SBF2: variants seen among roughly 807,000 people sequenced by gnomAD.
SBF2 encodes myotubularin-related protein 13.
Under a neutral mutation model 225.2 loss-of-function variants are expected in SBF2, and 112 were observed. The ratio of observed to expected loss-of-function variants is 0.50; its 90% CI spans 0.43 to 0.58. SBF2 has a LOEUF of 0.58. Among genes scored for constraint, SBF2 ranks in the 20% least tolerant of loss-of-function variants. SBF2 has a pLI of 0.00. For synonymous variants in SBF2, 763 were observed against 773.3 expected, an observed-to-expected ratio of 0.99 and a Z score of 0.22; for missense variants, 1,996 against 2,206.2, an observed-to-expected ratio of 0.90 and a Z score of 1.91.
intron 17 of SBF2, among the ~76,000 whole-genome samples, chr11:9,867,702 T>C (rs1237808539): frequency 1.3e-5 from 2 of 152,118 alleles, no homozygotes; most frequent in Non-Finnish European, 2.9e-5. Context: ...AAGAATGAAA[T>C]CCTGTCATTT....
intron 16 of SBF2, among the ~76,000 whole-genome samples, chr11:9,938,042 C>T (rs544561034): frequency 6.3e-5 from 8 of 126,850 alleles, no homozygotes; most frequent in African/African-American, 1.3e-4. Context: ...CTTGTAATCC[C>T]AGCACTTTGG....
Position 10,271,928 on chromosome 11 carries a change from A to C in SBF2, c.55+22087T>G. ...GAATATCTGTGATTTTGGCTATAGG[A>C]CCAGGCCACAGGAAAGGGCTGAAAT... On this transcript the variant is annotated intron_variant, in intron 1 of 39. Coordinates refer to ENST00000256190, the MANE Select transcript of SBF2 (RefSeq NM_030962.4). 6 of 503,846 alleles carry C rather than the reference A, an allele frequency of 1.2e-5. 1 individual carries two copies. The South Asian group carries it at 1.6e-4, about 13-fold the overall frequency. The allele number at this position is 503,846 out of a possible 1,614,324, so 31.2% of individuals were successfully genotyped here.
chr11:10,101,928 G>C (rs1441373258), intron 2 of SBF2, among the ~76,000 whole-genome samples: 1 of 151,774 alleles, frequency 6.6e-6, no homozygotes. Flanking sequence ...ACTTTGCTAG[G>C]GGTCCCTGAA....
chr11:10,094,527 G>GGTTTTTTTTTT (rs1565222159), intron 2 of SBF2, among the ~76,000 whole-genome samples: 3 of 71,646 alleles, frequency 4.2e-5, no homozygotes, highest in Admixed American at 1.8e-4. Flanking sequence ...AATACACACA[G>GGTTTTTTTTTT]ATTTTTTTTT....
chr11:10,280,670 A>G (rs1228332143), intron 1 of SBF2, among the ~76,000 whole-genome samples: 1 of 152,210 alleles, frequency 6.6e-6, no homozygotes. Context: ...TTATCCTACT[A>G]AAATTCTGCA....
At chr11:10,274,308 A>G (rs1273004322) in intron 1 of SBF2, among the ~76,000 whole-genome samples, 1 of 152,216 alleles carries the variant, frequency 6.6e-6, no homozygotes, top group Non-Finnish European at 1.5e-5. Flanking sequence ...TCAGGTACCT[A>G]GAACTAAATT....
intron 2 of SBF2, among the ~76,000 whole-genome samples, chr11:10,136,764 G>A (rs182709890): frequency 6.6e-6 from 1 of 152,332 alleles, no homozygotes; most frequent in East Asian, 1.9e-4. Context: ...GAACTGCTTG[G>A]TGTGGAACAC....
At chr11:9,795,016 A>T (rs777459674) in intron 33 of SBF2, among the ~76,000 whole-genome samples, 1 of 152,202 alleles carries the variant, frequency 6.6e-6, no homozygotes, top group Non-Finnish European at 1.5e-5. Context: ...TCTTTGTGGT[A>T]CTGAGTGCAT....
chr11:9,938,058 A>G (rs4909916), intron 16 of SBF2, among the ~76,000 whole-genome samples: 34,706 of 151,988 alleles, frequency 0.23, 4,672 homozygotes, highest in Non-Finnish European at 0.31. Context: ...TTTGGGGGCC[A>G]AGGCGGGCGG....
intron 2 of SBF2, among the ~76,000 whole-genome samples, chr11:10,050,529 T>A (rs921448791): frequency 1.3e-5 from 2 of 152,154 alleles, no homozygotes; most frequent in South Asian, 4.1e-4. Context: ...TAATAAAATA[T>A]AACAATTATG....
chr11:9,994,928 T>C (rs553454967), intron 9 of SBF2, among the ~76,000 whole-genome samples: 12 of 152,066 alleles, frequency 7.9e-5, no homozygotes, highest in African/African-American at 1.9e-4. Flanking sequence ...TCCCAGCTAC[T>C]TGGGAGTCTG....
At chr11:9,821,430 G>A (rs182650892) in intron 28 of SBF2, among the ~76,000 whole-genome samples, 24 of 152,218 alleles carry the variant, frequency 1.6e-4, no homozygotes, top group Admixed American at 3.3e-4. Context: ...TAGAAAATCC[G>A]CAATGATAAA....
intron 3 of SBF2, among the ~76,000 whole-genome samples, chr11:10,041,026 T>C (rs1949633395): frequency 1.3e-5 from 2 of 152,038 alleles, no homozygotes; most frequent in African/African-American, 4.8e-5. Flanking sequence ...TCAGTTTGTC[T>C]AGAAGAAGAG....
chr11:9,789,656 T>C (rs1852612369), intron 34 of SBF2, among the ~76,000 whole-genome samples: 1 of 152,172 alleles, frequency 6.6e-6, no homozygotes, highest in African/African-American at 2.4e-5. Context: ...CCCAGCCCCC[T>C]GTCCTTGGCC....
intron 2 of SBF2, among the ~76,000 whole-genome samples, chr11:10,172,340 T>C (rs192571290): frequency 1.4e-3 from 216 of 152,210 alleles, no homozygotes; most frequent in African/African-American, 4.7e-3. Flanking sequence ...GTTTTCATTA[T>C]TGTTTGTTTC....
intron 2 of SBF2, among the ~76,000 whole-genome samples, chr11:10,081,326 T>C (rs1242499659): frequency 6.6e-6 from 1 of 152,102 alleles, no homozygotes; most frequent in Non-Finnish European, 1.5e-5. Context: ...CTGAATGATC[T>C]ATGGGTCAAC....
intron 2 of SBF2, among the ~76,000 whole-genome samples, chr11:10,102,569 T>C (rs1276232451): frequency 6.6e-6 from 1 of 152,190 alleles, no homozygotes; most frequent in Non-Finnish European, 1.5e-5. Flanking sequence ...GTTTTAAAGA[T>C]TGTCTCAACC....
At chr11:9,791,306 G>A (rs986905578) in intron 33 of SBF2, 1 of 151,822 alleles carries the variant, frequency 6.6e-6, no homozygotes, top group Non-Finnish European at 1.5e-5. Flanking sequence ...AGGAAAATGT[G>A]TTGGGGTGAG....
intron 16 of SBF2, among the ~76,000 whole-genome samples, chr11:9,898,844 T>C (rs1315538052): frequency 2.0e-5 from 3 of 151,658 alleles, no homozygotes; most frequent in East Asian, 1.9e-4. Context: ...ATTGGAGAAA[T>C]GAATAAGTGA....
Sources: gnomAD v4.1 joint callset for allele counts (sites outside exome capture counted in the v4.1 genomes callset) on GRCh38, gnomAD v4.1.1 for gene constraint, MANE v1.5 for transcripts, NCBI Gene and HGNC (gene_info 2026-07-23, HGNC 2026-07-21) for gene names.